WWOX: variants seen among roughly 807,000 people sequenced by gnomAD.
WWOX encodes WW domain-containing oxidoreductase.
A neutral mutation model predicts 46.2 loss-of-function variants in WWOX; 69 were observed. The observed-to-expected ratio is 1.49, with a 90% CI of 1.23 to 1.82. The LOEUF is 1.82. WWOX is among the 40% of genes most tolerant of loss of function. The pLI is 0.00. For missense variants in WWOX, 919 were observed against 542.6 expected (o/e 1.69, Z -6.89); for synonymous variants, 359 against 202.6 (o/e 1.77, Z -6.56).
chr16:79,042,762 T>C (rs551789121), intron 8 of WWOX, among the ~76,000 whole-genome samples: 1 of 150,212 alleles, frequency 6.7e-6, no homozygotes, highest in African/African-American at 2.5e-5. Context: ...TTGTCCTCCT[T>C]GATCAGGATT....
intron 8 of WWOX, among the ~76,000 whole-genome samples, chr16:78,939,456 C>G (rs768425464): frequency 6.6e-6 from 1 of 152,146 alleles, no homozygotes; most frequent in Non-Finnish European, 1.5e-5. Context: ...AATATGTATC[C>G]TTTAAGGGTG....
At chr16:78,425,376 A>G (rs1186674713) in intron 7 of WWOX, among the ~76,000 whole-genome samples, 5 of 152,222 alleles carry the variant, frequency 3.3e-5, no homozygotes, top group South Asian at 2.1e-4. Flanking sequence ...AACAACTTCA[A>G]CATCTTACCA....
chr16:79,134,049 T>A (rs2049935206), intron 8 of WWOX, among the ~76,000 whole-genome samples: 1 of 152,186 alleles, frequency 6.6e-6, no homozygotes, highest in South Asian at 2.1e-4. Flanking sequence ...CTTCCTGCTA[T>A]GGCCATAGAG....
intron 8 of WWOX, among the ~76,000 whole-genome samples, chr16:78,879,096 A>T (rs1280375547): frequency 6.6e-6 from 1 of 152,000 alleles, no homozygotes. Context: ...AATTTACTAG[A>T]AACAAATTAA....
At chr16:78,777,454 G>A (rs1040157771) in intron 8 of WWOX, among the ~76,000 whole-genome samples, 6 of 152,216 alleles carry the variant, frequency 3.9e-5, no homozygotes, top group Admixed American at 6.5e-5. Context: ...AGTGGCTGTC[G>A]TATTGGAAAG....
intron 5 of WWOX, among the ~76,000 whole-genome samples, chr16:78,302,869 G>T (rs564813469): frequency 1.3e-5 from 2 of 152,280 alleles, no homozygotes; most frequent in South Asian, 4.1e-4. Context: ...CTTTGGCTTT[G>T]GTTTGATGTT....
intron 6 of WWOX, among the ~76,000 whole-genome samples, chr16:78,408,405 G>T (rs2082599427): frequency 6.6e-6 from 1 of 152,076 alleles, no homozygotes; most frequent in African/African-American, 2.4e-5. Context: ...CTGCCTTCAG[G>T]TAGGGGAACC....
intron 8 of WWOX, chr16:78,898,515 A>C (rs2044752978): frequency 6.6e-6 from 1 of 152,060 alleles, no homozygotes; most frequent in East Asian, 1.9e-4. Context: ...TCTTATACTT[A>C]CTGCTCGATT....
rs1163798244 is a variant in WWOX at position 78,601,823 on chromosome 16, C to T, written c.1056+169071C>T. Among the ~76,000 whole-genome samples, 7 of 151,936 alleles carry T rather than the reference C, an allele frequency of 4.6e-5. No individual in the cohort carries two copies. In the South Asian group the frequency reaches 8.3e-4, roughly 18 times the overall value. On this transcript the variant is annotated intron_variant, in intron 8 of 8. Transcript: ENST00000566780. ...GGAAGAGTAGGGAAAGGTGACATTCCAACTGGGAATATTCGACTCTGCAGA... is the reference window on the plus strand; with the variant it reads ...GGAAGAGTAGGGAAAGGTGACATTCTAACTGGGAATATTCGACTCTGCAGA...
chr16:78,517,160 A>G (rs112247174), intron 8 of WWOX, among the ~76,000 whole-genome samples: 35 of 152,282 alleles, frequency 2.3e-4, no homozygotes, highest in African/African-American at 7.9e-4. Context: ...CTTACAGTGC[A>G]TTTTATAGGA....
At position 78,719,014 on chromosome 16, in the gene WWOX, G is replaced by T. The variant is rs78477025; in HGVS notation, c.1056+286262G>T. On this transcript the variant is annotated intron_variant, in intron 8 of 8. Transcript: ENST00000566780. ...GATCCCAGGCACTCTTGGTAGCAGG[G>T]GGGTTAGGTGGGTGAAGGGACAAGT... Among the ~76,000 whole-genome samples, 920 of 152,214 alleles carry T rather than the reference G, an allele frequency of 6.0e-3. 5 individuals carry two copies. Among genetic ancestry groups the T allele is most frequent in the Non-Finnish European group, 0.011 (737 of 68,004 alleles).
chr16:79,120,995 G>A (rs1053685491), intron 8 of WWOX, among the ~76,000 whole-genome samples: 3 of 152,080 alleles, frequency 2.0e-5, no homozygotes, highest in African/African-American at 4.8e-5. Context: ...TTTCGAACTC[G>A]TGACCTCAGG....
intron 8 of WWOX, among the ~76,000 whole-genome samples, chr16:79,208,816 C>A (rs1052785271): frequency 1.3e-5 from 2 of 152,302 alleles, no homozygotes; most frequent in Middle Eastern, 6.8e-3. Context: ...AGATGTCACT[C>A]AGAGGTTGCC....
chr16:78,603,361 C>T (rs764561964), intron 8 of WWOX, among the ~76,000 whole-genome samples: 50 of 152,168 alleles, frequency 3.3e-4, no homozygotes, highest in South Asian at 8.3e-4. Flanking sequence ...CAGGGATGAA[C>T]GCCCCCACTG....
intron 8 of WWOX, among the ~76,000 whole-genome samples, chr16:79,122,359 G>C (rs2049653582): frequency 6.6e-6 from 1 of 152,188 alleles, no homozygotes; most frequent in Admixed American, 6.5e-5. Flanking sequence ...TGGAACAATA[G>C]CGCTTCTAAA....
At chr16:78,689,250 T>C (rs967044719) in intron 8 of WWOX, among the ~76,000 whole-genome samples, 1 of 152,212 alleles carries the variant, frequency 6.6e-6, no homozygotes, top group African/African-American at 2.4e-5. Context: ...ACGTCACCAT[T>C]GGAAGGTTGC....
intron 4 of WWOX, among the ~76,000 whole-genome samples, chr16:78,158,085 C>T (rs889336231): frequency 5.3e-5 from 8 of 152,204 alleles, no homozygotes; most frequent in African/African-American, 1.9e-4. Context: ...GTGTGTCCAA[C>T]TTGAGTTTTC....
chr16:78,186,070 G>C (rs769686167), intron 5 of WWOX, among the ~76,000 whole-genome samples: 16 of 152,122 alleles, frequency 1.1e-4, no homozygotes, highest in Non-Finnish European at 1.9e-4. Context: ...AAGGTAGTTA[G>C]TCCAGATTGA....
chr16:78,857,858 G>A (rs1460503391), intron 8 of WWOX, among the ~76,000 whole-genome samples: 3 of 152,142 alleles, frequency 2.0e-5, no homozygotes, highest in South Asian at 2.1e-4. Flanking sequence ...ATTTTTGACC[G>A]AAATTAAACA....
Sources: allele counts gnomAD v4.1 joint callset (sites outside exome capture counted in the v4.1 genomes callset), GRCh38; gene constraint gnomAD v4.1.1; transcripts MANE v1.5; gene names NCBI Gene and HGNC (gene_info 2026-07-23, HGNC 2026-07-21).